Variants in NUB1 observed in about 807,000 individuals in gnomAD.
NUB1 encodes negative regulator of ubiquitin like proteins 1.
A neutral mutation model predicts 77.1 loss-of-function variants in NUB1; 41 were observed. The ratio of observed to expected loss-of-function variants is 0.53; its 90% CI spans 0.41 to 0.69. NUB1 has a LOEUF of 0.69. NUB1 is among the 30% of genes least tolerant of loss of function. The probability of loss-of-function intolerance (pLI) is 0.00; values close to 1 mark genes in which losing one functional copy is unlikely to be tolerated. For missense variants in NUB1, 643 were observed against 743.8 expected, an observed-to-expected ratio of 0.86 and a Z score of 1.58; for synonymous variants, 257 against 281.0, an observed-to-expected ratio of 0.91 and a Z score of 0.85.
At chr7:151,360,502 C>T (rs150264787) in intron 8 of NUB1, 23 of 354,824 alleles carry the variant, frequency 6.5e-5, no homozygotes, top group East Asian at 5.7e-4. Flanking sequence ...TGTTGCTAGT[C>T]GGAACTTTCC....
intron 1 of NUB1, among the ~76,000 whole-genome samples, chr7:151,344,932 G>A (rs554666060): frequency 1.2e-3 from 190 of 152,222 alleles, no homozygotes; most frequent in Non-Finnish European, 1.8e-3. Flanking sequence ...CCCAGGGGGC[G>A]GAGCTTGCAG....
chr7:151,368,046 A>ACT, intron 10 of NUB1, 78 bp downstream of exon 10: 1 of 826,820 alleles, frequency 1.2e-6, no homozygotes, highest in Non-Finnish European at 1.9e-6. Flanking sequence ...TTAACTTAGT[A>ACT]GTTTGTGACT....
chr7:151,355,136 A>T (rs942637316), intron 5 of NUB1, among the ~76,000 whole-genome samples: 2 of 152,026 alleles, frequency 1.3e-5, no homozygotes, highest in African/African-American at 2.4e-5. Context: ...AGGGTAGGAG[A>T]GGTGTGTTAT....
intron 7 of NUB1, among the ~76,000 whole-genome samples, chr7:151,358,842 A>T (rs1327515237): frequency 6.6e-6 from 1 of 151,578 alleles, no homozygotes; most frequent in East Asian, 1.9e-4. Context: ...AGGTGGGTGG[A>T]TCACAAGATC....
At position 151,355,776 on chromosome 7, in the gene NUB1, CT is replaced by C; in HGVS notation, c.426del (p.Glu143LysfsTer9). 1 of 1,591,994 alleles carries C rather than the reference CT, an allele frequency of 6.3e-7. No individual in the cohort carries two copies. Among genetic ancestry groups the C allele is most frequent in the Non-Finnish European group, 8.6e-7 (1 of 1,169,272 alleles). ...AGTTCTGATTTTTATAGGGAAAACC[CT>C]TGAAGAACAAGGCGTGGCTCACAAT... ...NKKQLQLGKT[L>X]EEQGVAHNVK... On this transcript the variant is annotated frameshift_variant, in exon 6 of 15. Transcript: ENST00000568733. LOFTEE classifies it high-confidence loss of function.
chr7:151,353,515 A>G (rs1380277688), intron 5 of NUB1, among the ~76,000 whole-genome samples: 7 of 152,212 alleles, frequency 4.6e-5, no homozygotes, highest in African/African-American at 7.2e-5. Context: ...AGGCCCCACA[A>G]CAAAGACTTG....
intron 5 of NUB1, 24 bp downstream of exon 5, chr7:151,352,906 AT>A (rs774149174): frequency 8.0e-7 from 1 of 1,249,584 alleles, no homozygotes; most frequent in Non-Finnish European, 1.1e-6. Context: ...AGTATGCATA[AT>A]TTTTTAATGA....
chr7:151,376,010 G>C (rs1798208442), intron 13 of NUB1, 67 bp downstream of exon 13: 4 of 989,654 alleles, frequency 4.0e-6, no homozygotes, highest in South Asian at 2.6e-5. Flanking sequence ...GGTAACCCGG[G>C]TGAATCAGGC....
At chr7:151,361,838 A>G (rs115466605) in intron 8 of NUB1, among the ~76,000 whole-genome samples, 2,429 of 152,230 alleles carry the variant, frequency 0.016, 81 homozygotes, top group African/African-American at 0.056. Flanking sequence ...CTCTTTCTGG[A>G]TGTCAGTTTC....
chr7:151,366,912 G>GTGA (rs1563025105), intron 8 of NUB1, 27 bp from the exon 9 acceptor site: 1 of 1,545,484 alleles, frequency 6.5e-7, no homozygotes, highest in African/African-American at 1.4e-5. Context: ...CTGCTTGGCA[G>GTGA]TGATGTCACT....
chr7:151,364,992 A>ATT (rs1451002692), intron 8 of NUB1, among the ~76,000 whole-genome samples: 1 of 146,056 alleles, frequency 6.8e-6, no homozygotes. Context: ...TATTTTTATA[A>ATT]TTTTTTTTTT....
At position 151,376,717 on chromosome 7, in the gene NUB1, C is replaced by A. The variant is rs913145471; in HGVS notation, c.1575C>A (p.Thr525=). The part of the protein sequence containing the change: ...FRGNVQLAAQ[T]LAHNGGSLPP... ...GCAACGTCCAGCTGGCCGCCCAGACCCTTGCTCACAACGGAGGAAGCCTGC... is the reference window on the plus strand; with the variant it reads ...GCAACGTCCAGCTGGCCGCCCAGACACTTGCTCACAACGGAGGAAGCCTGC... Residue 525 remains threonine (T), a synonymous_variant, in exon 14 of 15, where the codon ACC becomes ACA. Coordinates refer to ENST00000568733, the MANE Select transcript of NUB1 (RefSeq NM_001243351.2). The A allele has an allele frequency of 6.2e-6, 10 of 1,608,056 alleles. No individual in the cohort carries two copies. Among genetic ancestry groups the A allele is most frequent in the Non-Finnish European group, 8.5e-6 (10 of 1,177,780 alleles).
intron 12 of NUB1, chr7:151,374,530 A>G (rs554418629): frequency 3.6e-4 from 180 of 498,050 alleles, no homozygotes; most frequent in African/African-American, 2.9e-3. Context: ...TGTGTGCAGC[A>G]GAGTTTAGTG....
intron 8 of NUB1, among the ~76,000 whole-genome samples, chr7:151,364,205 G>A (rs1386466170): frequency 1.3e-5 from 2 of 150,790 alleles, no homozygotes; most frequent in South Asian, 2.1e-4. Flanking sequence ...GGCAGATCAC[G>A]AGGTCAGGAG....
At chr7:151,346,937 GC>G (rs1231851222) in intron 2 of NUB1, among the ~76,000 whole-genome samples, 1 of 152,046 alleles carries the variant, frequency 6.6e-6, no homozygotes, top group Non-Finnish European at 1.5e-5. Flanking sequence ...TGAAGTTAGG[GC>G]TTTTTTGTGG....
Position 151,356,297 on chromosome 7 carries a change from T to G in NUB1, c.693+75T>G. On this transcript the variant is annotated intron_variant, in intron 7 of 14. Coordinates refer to ENST00000568733, the MANE Select transcript of NUB1 (RefSeq NM_001243351.2). ...CAGAGGTGGTTTTTTAGTTGCTTTATGTTGGAAGTGTTGTAAAGGGTTGGA... is the reference window on the plus strand; with the variant it reads ...CAGAGGTGGTTTTTTAGTTGCTTTAGGTTGGAAGTGTTGTAAAGGGTTGGA... 7.9e-6 allele frequency: 8 copies of G among 1,012,790 alleles called. No individual in the cohort carries two copies. In the South Asian group the frequency reaches 1.1e-4, roughly 14 times the overall value. 62.7% of individuals were successfully genotyped at this position (1,012,790 alleles called of 1,614,324 possible).
intron 11 of NUB1, among the ~76,000 whole-genome samples, chr7:151,373,844 A>G (rs1584973547): frequency 1.3e-5 from 2 of 152,272 alleles, no homozygotes; most frequent in African/African-American, 4.8e-5. Context: ...GGGGCTGGCG[A>G]GGCACCTCCT....
intron 13 of NUB1, 122 bp downstream of exon 13, chr7:151,376,065 C>T: frequency 1.4e-6 from 1 of 706,286 alleles, no homozygotes; most frequent in Non-Finnish European, 2.6e-6. Flanking sequence ...CTCCCAGGCT[C>T]CAGGTGTAAC....
intron 5 of NUB1, 75 bp downstream of exon 5, chr7:151,352,957 G>C: frequency 1.3e-6 from 1 of 780,610 alleles, no homozygotes; most frequent in Non-Finnish European, 2.1e-6. Flanking sequence ...TTTTCTCAAT[G>C]TCTTTTCAAA....
Sources: allele counts gnomAD v4.1 joint callset (sites outside exome capture counted in the v4.1 genomes callset), GRCh38; gene constraint gnomAD v4.1.1; transcripts MANE v1.5; gene names NCBI Gene and HGNC (gene_info 2026-07-23, HGNC 2026-07-21).